Variants in WDR41 observed in about 807,000 individuals in gnomAD.
WDR41 encodes the protein WD repeat-containing protein 41.
In WDR41, 63 loss-of-function variants were observed where a neutral mutation model predicts 69.3. The observed-to-expected ratio is 0.91, with a 90% confidence interval of 0.74 to 1.12. The LOEUF (loss-of-function observed/expected upper bound fraction) is 1.12, where lower values mean the gene tolerates loss of function less well. Among genes scored for constraint, WDR41 ranks in the 50% most tolerant of loss-of-function variants. The pLI is 0.00. For missense variants in WDR41, 543 were observed against 534.5 expected, an observed-to-expected ratio of 1.02 and a Z score of -0.16; for synonymous variants, 185 against 192.1, an observed-to-expected ratio of 0.96 and a Z score of 0.31.
At chr5:77,456,976 T>A (rs1013950412) in intron 5 of WDR41, among the ~76,000 whole-genome samples, 5 of 152,224 alleles carry the variant, frequency 3.3e-5, no homozygotes, top group African/African-American at 1.2e-4. Context: ...AGCGCTGGGA[T>A]TGCAGGCATG....
At chr5:77,602,535 C>T (rs573449228) in intron 1 of WDR41, among the ~76,000 whole-genome samples, 1 of 152,266 alleles carries the variant, frequency 6.6e-6, no homozygotes, top group South Asian at 2.1e-4. Context: ...GCTTATTTCA[C>T]TTAACATCAT....
chr5:77,434,323 CAA>C (rs1447832179), intron 12 of WDR41, among the ~76,000 whole-genome samples: 1 of 151,304 alleles, frequency 6.6e-6, no homozygotes, highest in Non-Finnish European at 1.5e-5. Context: ...GGAAAAAAAA[CAA>C]GAGTTTTCTC....
chr5:77,474,205 T>G (rs941772259), intron 2 of WDR41, among the ~76,000 whole-genome samples: 4 of 152,042 alleles, frequency 2.6e-5, no homozygotes, highest in African/African-American at 9.7e-5. Context: ...AAACACCGCA[T>G]GTTCTCACTC....
At chr5:77,470,239 G>C (rs545883750) in intron 2 of WDR41, among the ~76,000 whole-genome samples, 10 of 152,182 alleles carry the variant, frequency 6.6e-5, no homozygotes, top group Admixed American at 5.9e-4. Flanking sequence ...GAGAGATTTT[G>C]TCACCACCAG....
intron 1 of WDR41, among the ~76,000 whole-genome samples, chr5:77,513,047 T>A (rs915877828): frequency 2.6e-5 from 4 of 152,186 alleles, no homozygotes; most frequent in Non-Finnish European, 2.9e-5. Flanking sequence ...ATTATTATGA[T>A]TTTATTCCAC....
intron 1 of WDR41, among the ~76,000 whole-genome samples, chr5:77,586,054 TAAGCC>T (rs1166139367): frequency 1.4e-4 from 21 of 152,314 alleles, no homozygotes; most frequent in African/African-American, 5.1e-4. Flanking sequence ...TAAAACTTCA[TAAGCC>T]ATGCAAGTAT....
chr5:77,524,507 G>A (rs1055548660), intron 1 of WDR41, among the ~76,000 whole-genome samples: 3 of 152,142 alleles, frequency 2.0e-5, no homozygotes, highest in African/African-American at 7.2e-5. Context: ...TGGGAGAATC[G>A]CTTGAGCCCA....
In WDR41 at chr5:77,610,459, A is replaced by G. The variant is rs1318824339; in HGVS notation, c.42+10020T>C. Among the ~76,000 whole-genome samples, 16 of 152,330 alleles carry G rather than the reference A, an allele frequency of 1.1e-4. No homozygotes were observed. The South Asian group carries it at 1.5e-3, about 14-fold the overall frequency. On this transcript the variant is annotated intron_variant, in intron 1 of 5. Transcript: ENST00000509971. ...CCGTCAGACTAACAGCTGATCTCTC[A>G]GCAGAAACTCTACAAGCCAGAAGAG...
Position 77,482,288 on chromosome 5 carries a change from G to T in WDR41, c.167+7169C>A, listed in dbSNP as rs187444561. 3.3e-5 allele frequency among the ~76,000 whole-genome samples: 5 copies of T among 152,214 alleles called. No individual in the cohort carries two copies. In the East Asian group the frequency reaches 9.6e-4, roughly 29 times the overall value. On this transcript the variant is annotated intron_variant, in intron 2 of 12. Transcript: ENST00000296679. ...AAGGACTCTTTTACATCACACCTAA[G>T]TTAACATTTACTTCCTTAATGTCAT...
At chr5:77,515,279 T>C (rs1172636556) in intron 1 of WDR41, among the ~76,000 whole-genome samples, 10 of 152,224 alleles carry the variant, frequency 6.6e-5, no homozygotes, top group Non-Finnish European at 1.2e-4. Flanking sequence ...TAAATGTTTT[T>C]GTTAAAAACT....
At chr5:77,440,526 A>G (rs111635394) in intron 9 of WDR41, among the ~76,000 whole-genome samples, 2,643 of 152,328 alleles carry the variant, frequency 0.017, 68 homozygotes, top group African/African-American at 0.058. Flanking sequence ...TTCTTAAAAC[A>G]ATTTTAAGCA....
At chr5:77,555,881 T>C (rs1047405538) in intron 1 of WDR41, among the ~76,000 whole-genome samples, 5 of 152,046 alleles carry the variant, frequency 3.3e-5, no homozygotes, top group East Asian at 1.9e-4. Flanking sequence ...AAAATTCATA[T>C]GGAAAGAAAA....
At chr5:77,526,776 A>G (rs1561215115) in intron 1 of WDR41, among the ~76,000 whole-genome samples, 1 of 152,086 alleles carries the variant, frequency 6.6e-6, no homozygotes, top group Non-Finnish European at 1.5e-5. Flanking sequence ...CACTTGCTAT[A>G]TATACAGTGA....
At chr5:77,615,687 C>CAAA (rs10695519) in intron 1 of WDR41, among the ~76,000 whole-genome samples, 11,053 of 79,158 alleles carry the variant, frequency 0.14, 1,018 homozygotes, top group East Asian at 0.36. Flanking sequence ...TACTGCAAGT[C>CAAA]AAAAAAAAAA....
At chr5:77,438,460 C>A (rs1799033712) in intron 9 of WDR41, 99 bp from the exon 10 acceptor site, 2 of 1,500,718 alleles carry the variant, frequency 1.3e-6, no homozygotes, top group African/African-American at 2.8e-5. Context: ...GCCACCATTA[C>A]CTTTCCCATT....
At chr5:77,434,942 A>T (rs549722578) in intron 12 of WDR41, among the ~76,000 whole-genome samples, 1 of 152,236 alleles carries the variant, frequency 6.6e-6, no homozygotes, top group Non-Finnish European at 1.5e-5. Flanking sequence ...CTACTATTTA[A>T]AAAATAAAGT....
In WDR41 at chr5:77,528,597, A is replaced by G. The variant is rs1037168700; in HGVS notation, c.43-39025T>C. Among the ~76,000 whole-genome samples the G allele has an allele frequency of 2.0e-5, 3 of 151,876 alleles. No homozygotes were observed. The East Asian group carries it at 5.8e-4, about 29-fold the overall frequency. On this transcript the variant is annotated intron_variant, in intron 1 of 5. Transcript: ENST00000509971. ...TTTTGAAAAAGAAAAATTACTAGCC[A>G]ACCTCATTCATGTACATAATTTAGA...
chr5:77,507,488 A>G (rs1802126590), intron 1 of WDR41, among the ~76,000 whole-genome samples: 1 of 152,134 alleles, frequency 6.6e-6, no homozygotes, highest in African/African-American at 2.4e-5. Context: ...CTTATGTTAG[A>G]TGAGCACTAG....
At chr5:77,489,415 T>C (rs1801665437) in intron 2 of WDR41, 42 bp downstream of exon 2, 1 of 1,285,204 alleles carries the variant, frequency 7.8e-7, no homozygotes, top group African/African-American at 1.5e-5. Flanking sequence ...CCCTAAAACC[T>C]CTTCCCAAAC....
Sources: gnomAD v4.1 joint callset for allele counts (sites outside exome capture counted in the v4.1 genomes callset) on GRCh38, gnomAD v4.1.1 for gene constraint, MANE v1.5 for transcripts, NCBI Gene and HGNC (gene_info 2026-07-23, HGNC 2026-07-21) for gene names.